Variants in ERC1 observed in about 807,000 individuals in gnomAD.
The protein encoded by ERC1 is RAB6 interacting protein 2.
Under a neutral mutation model 132.0 loss-of-function variants are expected in ERC1, and 56 were observed. The observed-to-expected ratio is 0.42, with a 90% CI of 0.34 to 0.53. The LOEUF (loss-of-function observed/expected upper bound fraction) is 0.53, where lower values mean the gene tolerates loss of function less well. ERC1 is among the 20% of genes least tolerant of loss of function. The probability of loss-of-function intolerance (pLI) is 0.03; values close to 1 mark genes in which losing one functional copy is unlikely to be tolerated. For synonymous variants in ERC1, 478 were observed against 476.1 expected (o/e 1.00, Z -0.05); for missense variants, 1,202 against 1,349.9 (o/e 0.89, Z 1.72).
intron 8 of ERC1, among the ~76,000 whole-genome samples, chr12:1,159,644 T>C (rs944323023): frequency 6.6e-6 from 1 of 152,244 alleles, no homozygotes; most frequent in East Asian, 1.9e-4. Context: ...CTCAATATCC[T>C]ACGTGAAGTA....
At chr12:1,385,888 A>G (rs565929819) in intron 16 of ERC1, 1 of 152,266 alleles carries the variant, frequency 6.6e-6, no homozygotes, top group African/African-American at 2.4e-5. Flanking sequence ...TCTAGTAAGG[A>G]GCCATAACTG....
rs1300177569 is a variant in ERC1, at chr12:1,046,456, A to G, written c.669+17884A>G. ...ATGTGAAAATTATATGAAATTCAAAATTCAGTGTGCATAAATAAAGTTTTA... is the reference window on the plus strand; with the variant it reads ...ATGTGAAAATTATATGAAATTCAAAGTTCAGTGTGCATAAATAAAGTTTTA... On this transcript the variant is annotated intron_variant, in intron 2 of 18. Transcript: ENST00000360905. 3.3e-5 allele frequency among the ~76,000 whole-genome samples: 5 copies of G among 152,212 alleles called. No individual in the cohort carries two copies. The East Asian group carries it at 9.6e-4, about 29-fold the overall frequency.
chr12:1,262,600 C>CT (rs1594631812), intron 13 of ERC1, among the ~76,000 whole-genome samples: 2 of 152,206 alleles, frequency 1.3e-5, no homozygotes, highest in East Asian at 3.8e-4. Flanking sequence ...AAAGATGATG[C>CT]TGCTTACTGC....
intron 1 of ERC1, among the ~76,000 whole-genome samples, chr12:1,025,023 C>T (rs1199245784): frequency 2.0e-5 from 3 of 151,996 alleles, no homozygotes. Flanking sequence ...TATGCAATTA[C>T]TGTGTCATTT....
chr12:1,032,341 G>A (rs1968204193), intron 2 of ERC1, among the ~76,000 whole-genome samples: 2 of 152,152 alleles, frequency 1.3e-5, no homozygotes, highest in Admixed American at 6.6e-5. Context: ...GAGCCACTGC[G>A]CCGGGTGTAA....
intron 1 of ERC1, among the ~76,000 whole-genome samples, chr12:1,018,076 A>G (rs987377084): frequency 6.6e-6 from 1 of 152,250 alleles, no homozygotes; most frequent in African/African-American, 2.4e-5. Flanking sequence ...TATTCTTATT[A>G]ATGCAGGAAG....
At chr12:1,007,460 T>TTCTCTCTCTCTCTC (rs72040785) in intron 1 of ERC1, among the ~76,000 whole-genome samples, 1 of 134,962 alleles carries the variant, frequency 7.4e-6, no homozygotes, top group African/African-American at 2.8e-5. Flanking sequence ...GGGTAATTCA[T>TTCTCTCTCTCTCTC]TCTCTCTCTC....
chr12:1,230,093 G>T (rs187544755), intron 12 of ERC1, among the ~76,000 whole-genome samples: 1 of 136,660 alleles, frequency 7.3e-6, no homozygotes, highest in African/African-American at 2.7e-5. Flanking sequence ...TGCAACCACC[G>T]CCTCCCGGGT....
At position 1,005,916 on chromosome 12, in the gene ERC1, C is replaced by CT. The variant is rs1039777449; in HGVS notation, c.-157+14603dup. Among the ~76,000 whole-genome samples, 24 of 149,048 alleles carry CT rather than the reference C, an allele frequency of 1.6e-4. No homozygotes were observed. In the East Asian group the frequency reaches 3.5e-3, roughly 22 times the overall value. On this transcript the variant is annotated intron_variant, in intron 1 of 18. Transcript: ENST00000360905. ...TATATTAAAATTCTTATTATTATTACTTTTTTTTTGAGATTCTTAACAGTT... is the reference window on the plus strand; with the variant it reads ...TATATTAAAATTCTTATTATTATTACTTTTTTTTTTGAGATTCTTAACAGTT...
At chr12:1,168,767 G>A (rs994397944) in intron 8 of ERC1, among the ~76,000 whole-genome samples, 3 of 152,110 alleles carry the variant, frequency 2.0e-5, no homozygotes, top group Non-Finnish European at 2.9e-5. Context: ...GATTATAGGC[G>A]TGAGCCATCG....
chr12:1,351,771 T>A (rs2085023002), intron 15 of ERC1, among the ~76,000 whole-genome samples: 1 of 152,202 alleles, frequency 6.6e-6, no homozygotes, highest in Non-Finnish European at 1.5e-5. Context: ...GCCCATTTTT[T>A]AATCAGATCA....
At chr12:1,395,934 T>TAAAAAA (rs34938767) in intron 16 of ERC1, among the ~76,000 whole-genome samples, 1 of 148,538 alleles carries the variant, frequency 6.7e-6, no homozygotes, top group Non-Finnish European at 1.5e-5. Flanking sequence ...CATGGAGTCT[T>TAAAAAA]AAAAAAAAAA....
chr12:1,238,814 C>T lies in ERC1; in HGVS notation c.2487+1910C>T, dbSNP rs200509741. The stretch of plus-strand genomic sequence containing the variant: ...CACCAAAAGTGCTTTCATATGTAAT[C>T]TCTTATTTCCTTTTTATATAAACTA... On this transcript the variant is annotated intron_variant, in intron 13 of 18. Transcript: ENST00000360905. Among the ~76,000 whole-genome samples the T allele has an allele frequency of 9.2e-5, 14 of 152,158 alleles. No homozygotes were observed. In the East Asian group the frequency reaches 1.9e-3, roughly 21 times the overall value.
intron 15 of ERC1, among the ~76,000 whole-genome samples, chr12:1,303,693 C>T (rs534367106): frequency 2.0e-5 from 3 of 151,556 alleles, no homozygotes; most frequent in African/African-American, 7.3e-5. Context: ...TGGTGGCTCA[C>T]GTCTGTAATC....
intron 15 of ERC1, among the ~76,000 whole-genome samples, chr12:1,359,186 G>C (rs1240198797): frequency 6.6e-6 from 1 of 152,170 alleles, no homozygotes; most frequent in East Asian, 1.9e-4. Context: ...CTGAGGATCA[G>C]TAATTGTAGC....
chr12:1,035,181 C>T (rs1428290960), intron 2 of ERC1, among the ~76,000 whole-genome samples: 4 of 152,204 alleles, frequency 2.6e-5, no homozygotes, highest in African/African-American at 9.6e-5. Context: ...TTATACCCTC[C>T]ATAGCCCTCA....
chr12:1,007,282 T>G (rs1328867755), intron 1 of ERC1, among the ~76,000 whole-genome samples: 1 of 152,040 alleles, frequency 6.6e-6, no homozygotes, highest in Non-Finnish European at 1.5e-5. Context: ...GACTTTTGAG[T>G]AAAGGAAATA....
At chr12:1,049,917 A>G (rs1050565197) in intron 2 of ERC1, among the ~76,000 whole-genome samples, 1 of 151,760 alleles carries the variant, frequency 6.6e-6, no homozygotes, top group African/African-American at 2.4e-5. Flanking sequence ...CTAATTTTGT[A>G]TTTTTAGTAG....
chr12:1,141,315 A>G (rs1321073342), intron 7 of ERC1, among the ~76,000 whole-genome samples: 1 of 152,086 alleles, frequency 6.6e-6, no homozygotes, highest in Non-Finnish European at 1.5e-5. Context: ...ATGTAGCTTC[A>G]CTTGGAAACT....
Sources: allele counts gnomAD v4.1 joint callset (sites outside exome capture counted in the v4.1 genomes callset), GRCh38; gene constraint gnomAD v4.1.1; transcripts MANE v1.5; gene names NCBI Gene and HGNC (gene_info 2026-07-23, HGNC 2026-07-21).